The following LCLAT1 variants were observed in gnomAD, a reference collection of about 807,000 sequenced individuals.
The protein encoded by LCLAT1 is 1-AGP acyltransferase 8.
A neutral mutation model predicts 30.7 loss-of-function variants in LCLAT1; 11 were observed. That is an observed-to-expected ratio of 0.36 (90% CI 0.23 to 0.59). The LOEUF (loss-of-function observed/expected upper bound fraction) is 0.59, where lower values mean the gene tolerates loss of function less well. Among genes scored for constraint, LCLAT1 ranks in the 20% least tolerant of loss-of-function variants. The pLI is 0.77. For missense variants in LCLAT1, 402 were observed against 458.6 expected, an observed-to-expected ratio of 0.88 and a Z score of 1.13; for synonymous variants, 155 against 151.3, an observed-to-expected ratio of 1.02 and a Z score of -0.18.
chr2:30,584,612 G>T (rs549524449), intron 5 of LCLAT1, among the ~76,000 whole-genome samples: 164 of 152,254 alleles, frequency 1.1e-3, no homozygotes, highest in African/African-American at 3.7e-3. Flanking sequence ...CTAGTTTATT[G>T]TCTGTGTATA....
chr2:30,594,401 C>A (rs1001998146), intron 5 of LCLAT1, among the ~76,000 whole-genome samples: 1 of 152,142 alleles, frequency 6.6e-6, no homozygotes, highest in Non-Finnish European at 1.5e-5. Context: ...ATTCTACTTC[C>A]TTTATCAAGT....
chr2:30,534,238 TG>T (rs1294202696), intron 3 of LCLAT1, among the ~76,000 whole-genome samples: 4 of 146,448 alleles, frequency 2.7e-5, no homozygotes, highest in African/African-American at 7.7e-5. Context: ...TGTGTGTGTG[TG>T]TGTGTGTGTG....
Position 30,457,157 on chromosome 2 carries a change from T to A in LCLAT1, c.-5+9774T>A, listed in dbSNP as rs374680686. Among the ~76,000 whole-genome samples the A allele has an allele frequency of 9.8e-5, 15 of 152,322 alleles. No individual in the cohort carries two copies. The South Asian group carries it at 3.1e-3, about 32-fold the overall frequency. ...TCTGCATTGAGATATAAATTAATAA[T>A]ATAATTTCTGGCTTAGTACCTGGTA... On this transcript the variant is annotated intron_variant, in intron 1 of 5. Coordinates refer to ENST00000379509, the MANE Select transcript of LCLAT1 (RefSeq NM_001002257.3).
At chr2:30,468,750 C>T (rs755516757) in intron 1 of LCLAT1, among the ~76,000 whole-genome samples, 6 of 152,174 alleles carry the variant, frequency 3.9e-5, no homozygotes, top group Admixed American at 3.3e-4. Flanking sequence ...TTTGCCTATT[C>T]TGAATATTTC....
At chr2:30,549,945 A>T (rs931918649) in intron 3 of LCLAT1, among the ~76,000 whole-genome samples, 2 of 152,224 alleles carry the variant, frequency 1.3e-5, no homozygotes, top group African/African-American at 2.4e-5. Context: ...TATGTAGCCA[A>T]GAATTAAAAA....
intron 3 of LCLAT1, among the ~76,000 whole-genome samples, chr2:30,539,273 T>C (rs1168823847): frequency 1.3e-5 from 1 of 78,582 alleles, no homozygotes; most frequent in Non-Finnish European, 2.6e-5. Context: ...TTTTTTTTTT[T>C]AAACAGGGTC....
At chr2:30,535,297 C>T (rs1281628050) in intron 3 of LCLAT1, among the ~76,000 whole-genome samples, 1 of 152,136 alleles carries the variant, frequency 6.6e-6, no homozygotes, top group Non-Finnish European at 1.5e-5. Context: ...AAAACATTCC[C>T]TTCTGCCCTC....
chr2:30,568,916 A>G (rs1665646265), intron 5 of LCLAT1, among the ~76,000 whole-genome samples: 1 of 151,172 alleles, frequency 6.6e-6, no homozygotes. Flanking sequence ...TAAACTAACC[A>G]TATGTTTGGC....
chr2:30,568,946 A>G (rs867109773), intron 5 of LCLAT1, among the ~76,000 whole-genome samples: 1 of 151,830 alleles, frequency 6.6e-6, no homozygotes, highest in African/African-American at 2.4e-5. Flanking sequence ...TTGAGAATAT[A>G]TCATTCTCTT....
intron 5 of LCLAT1, among the ~76,000 whole-genome samples, chr2:30,609,383 G>A (rs1192687232): frequency 2.0e-5 from 3 of 152,004 alleles, no homozygotes; most frequent in African/African-American, 7.2e-5. Flanking sequence ...TTATCCATCT[G>A]GAGTCCCTTA....
chr2:30,483,382 A>G (rs1414010741), intron 1 of LCLAT1, among the ~76,000 whole-genome samples: 2 of 152,172 alleles, frequency 1.3e-5, no homozygotes, highest in Non-Finnish European at 2.9e-5. Flanking sequence ...TATTAAGAAA[A>G]AGAATGTATT....
intron 5 of LCLAT1, among the ~76,000 whole-genome samples, chr2:30,624,185 T>C (rs1193556758): frequency 6.6e-6 from 1 of 152,098 alleles, no homozygotes; most frequent in Non-Finnish European, 1.5e-5. Context: ...TCACAGGACC[T>C]ATAAAACAAT....
chr2:30,592,306 C>T (rs565487705), intron 5 of LCLAT1, among the ~76,000 whole-genome samples: 1 of 152,200 alleles, frequency 6.6e-6, no homozygotes, highest in South Asian at 2.1e-4. Context: ...CATAGGGAGA[C>T]CCTGTCTCTA....
intron 2 of LCLAT1, 118 bp from the exon 3 acceptor site, chr2:30,532,998 A>T: frequency 1.4e-6 from 1 of 722,622 alleles, no homozygotes; most frequent in East Asian, 2.6e-5. Context: ...AGCAAGGATC[A>T]TGGGAAATAC....
chr2:30,542,062 G>A (rs1295125482), intron 3 of LCLAT1, among the ~76,000 whole-genome samples: 2 of 151,910 alleles, frequency 1.3e-5, no homozygotes, highest in African/African-American at 4.8e-5. Context: ...TTTATTTATG[G>A]GTTGTTTCTT....
chr2:30,484,836 G>A (rs1453822732), intron 1 of LCLAT1, among the ~76,000 whole-genome samples: 1 of 152,044 alleles, frequency 6.6e-6, no homozygotes, highest in Admixed American at 6.6e-5. Context: ...TTCCATATGT[G>A]TTTTAAATTG....
At chr2:30,493,976 G>A (rs1426968886) in intron 1 of LCLAT1, among the ~76,000 whole-genome samples, 1 of 152,048 alleles carries the variant, frequency 6.6e-6, no homozygotes, top group African/African-American at 2.4e-5. Context: ...AACATAGTGA[G>A]ATCCTCCCAT....
At chr2:30,448,055 GGTT>G (rs1681353606) in intron 1 of LCLAT1, among the ~76,000 whole-genome samples, 1 of 152,232 alleles carries the variant, frequency 6.6e-6, no homozygotes, top group Non-Finnish European at 1.5e-5. Flanking sequence ...ACTTAGATGT[GGTT>G]GTGGAGATGT....
intron 3 of LCLAT1, among the ~76,000 whole-genome samples, chr2:30,556,599 A>G (rs959766577): frequency 3.3e-5 from 5 of 152,176 alleles, no homozygotes; most frequent in Admixed American, 3.3e-4. Context: ...GTGTAGCCTA[A>G]ATGATAACAG....
Sources: gnomAD v4.1 joint callset for allele counts (sites outside exome capture counted in the v4.1 genomes callset) on GRCh38, gnomAD v4.1.1 for gene constraint, MANE v1.5 for transcripts, NCBI Gene and HGNC (gene_info 2026-07-23, HGNC 2026-07-21) for gene names.